ATP11A: variants seen among roughly 807,000 people sequenced by gnomAD.
The protein encoded by ATP11A is phospholipid-transporting ATPase IH.
In ATP11A, 81 loss-of-function variants were observed where a neutral mutation model predicts 154.4. The ratio of observed to expected loss-of-function variants is 0.52; its 90% CI spans 0.44 to 0.63. The LOEUF is 0.63. Ranked by LOEUF, ATP11A falls within the 30% of genes least tolerant of loss-of-function variation. The probability of loss-of-function intolerance (pLI) is 0.00; values close to 1 mark genes in which losing one functional copy is unlikely to be tolerated. For missense variants in ATP11A, 1,316 were observed against 1,474.3 expected, an observed-to-expected ratio of 0.89 and a Z score of 1.76; for synonymous variants, 623 against 585.9, an observed-to-expected ratio of 1.06 and a Z score of -0.91.
intron 17 of ATP11A, 27 bp from the exon 18 acceptor site, chr13:112,851,010 T>C (rs758975450): frequency 6.2e-7 from 1 of 1,605,580 alleles, no homozygotes. Flanking sequence ...CTTGAATTCG[T>C]GCTAAACGCT....
At position 112,832,878 on chromosome 13, in the gene ATP11A, T is replaced by C; in HGVS notation, c.1414T>C (p.Phe472Leu). Reference protein sequence around the residue: ...VNGREREELFFRALCLCHTVQ... With the variant: ...VNGREREELFLRALCLCHTVQ... The stretch of plus-strand genomic sequence containing the variant: ...TTTATAGGAGCGCGAGGAGCTGTTT[T>C]TCCGGGCCCTCTGTCTCTGCCACAC... Residue 472 changes from phenylalanine to leucine, a missense_variant, in exon 14 of 30, where the codon TTC (phenylalanine) becomes CTC (leucine). Around this residue, in one of 5 missense-constraint regions of ATP11A, gnomAD observed 876 missense variants for 1,006.8 expected, o/e 0.87. Transcript: ENST00000375645. 1 of 1,613,518 alleles carries C rather than the reference T, an allele frequency of 6.2e-7. No homozygotes were observed. Among genetic ancestry groups the C allele is most frequent in the Non-Finnish European group, 8.5e-7 (1 of 1,179,534 alleles).
chr13:112,787,732 G>T (rs2077687927), intron 2 of ATP11A, among the ~76,000 whole-genome samples: 1 of 148,214 alleles, frequency 6.7e-6, no homozygotes, highest in South Asian at 2.1e-4. Flanking sequence ...ATCCACACCG[G>T]GTGTCCTGAT....
Position 112,856,082 on chromosome 13 carries a change from T to C in ATP11A, c.2415T>C (p.Ala805=). The C allele has an allele frequency of 6.2e-7, 1 of 1,611,264 alleles. No individual in the cohort carries two copies. The highest frequency in any genetic ancestry group is 8.5e-7 in the Non-Finnish European group (1 of 1,178,808). Reference sequence around the variant, plus strand: ...GCCGCATGGCGCCCTTGCAGAAGGCTCAGGTGCTGCCCGCCCGTCCTCGAT... The same window carrying C: ...GCCGCATGGCGCCCTTGCAGAAGGCCCAGGTGCTGCCCGCCCGTCCTCGAT... ...LCCRMAPLQK[A]QIVKLIKFSK... The change falls in exon 20 of 30, where the codon GCT becomes GCC. Residue 805 remains alanine, a synonymous_variant. Transcript: ENST00000375645.
rs1312109729 is a variant in ATP11A at position 112,753,164 on chromosome 13, G to C, written c.40-31971G>C. 2.0e-5 allele frequency among the ~76,000 whole-genome samples: 3 copies of C among 152,124 alleles called. No individual in the cohort carries two copies. The highest frequency in any genetic ancestry group is 7.2e-5 in the African/African-American group (3 of 41,406). Reference sequence around the variant, plus strand: ...TCTGTCCCTCCGTCCCTTTGTACCTGCGTGTTATGTGGATGGCGTGCATGT... The same window carrying C: ...TCTGTCCCTCCGTCCCTTTGTACCTCCGTGTTATGTGGATGGCGTGCATGT... On this transcript the variant is annotated intron_variant, in intron 1 of 29. Transcript: ENST00000375645. The surrounding 1 kb of genome is among the most constrained non-coding windows in gnomAD (Gnocchi z 4.1).
chr13:112,875,688 C>T lies in ATP11A; in HGVS notation c.3162-88C>T. 6.9e-7 allele frequency: 1 copy of T among 1,450,510 alleles called. No homozygotes were observed. Among genetic ancestry groups the T allele is most frequent in the South Asian group, 1.3e-5 (1 of 77,100 alleles). 89.9% of individuals were successfully genotyped at this position (1,450,510 alleles called of 1,614,324 possible). A position where few individuals can be genotyped will look rare whatever the true frequency, so the allele number is the denominator to read the frequency against. ...ACTCTCACTGACAAAAGTGTAAACT[C>T]CCTGAACAGACGGCCTCTCCAGTGA... On this transcript the variant is annotated intron_variant, in intron 27 of 29. Coordinates refer to ENST00000375645, the MANE Select transcript of ATP11A (RefSeq NM_015205.3). This position sits in a 1 kb window ranked among gnomAD's most constrained non-coding sequence, Gnocchi z 4.1.
At chr13:112,777,807 C>T (rs1052742654) in intron 1 of ATP11A, among the ~76,000 whole-genome samples, 25 of 152,304 alleles carry the variant, frequency 1.6e-4, no homozygotes, top group African/African-American at 4.8e-4. Context: ...GTGAGACTTC[C>T]TCCCCCGTGG....
chr13:112,841,236 G>C (rs985231246), intron 16 of ATP11A, among the ~76,000 whole-genome samples: 1 of 145,988 alleles, frequency 6.8e-6, no homozygotes, highest in African/African-American at 2.6e-5. Context: ...GACCACGGAT[G>C]CTTCAGGTGC....
At chr13:112,792,629 G>T (rs1443236483) in intron 2 of ATP11A, among the ~76,000 whole-genome samples, 1 of 152,190 alleles carries the variant, frequency 6.6e-6, no homozygotes, top group Non-Finnish European at 1.5e-5. Context: ...CTGGTGATAG[G>T]TGATGATAGA....
rs199771130 is a variant in ATP11A, at chr13:112,824,327, G to C, written c.791-17G>C. The C allele has an allele frequency of 2.5e-4, 401 of 1,605,090 alleles. 1 individual carries two copies. The African/African-American group carries it at 4.2e-3, about 17-fold the overall frequency. On this transcript the variant is annotated splice_polypyrimidine_tract_variant and intron_variant, in intron 9 of 29. Coordinates refer to ENST00000375645, the MANE Select transcript of ATP11A (RefSeq NM_015205.3). ...CACTTGCGCCCTGGTCATCACCCTT[G>C]CTCTTCCTCTCTGTAGGTGTGGCTA...
At chr13:112,703,350 C>A (rs1245014796) in intron 1 of ATP11A, 1 of 152,154 alleles carries the variant, frequency 6.6e-6, no homozygotes, top group Non-Finnish European at 1.5e-5. Context: ...ATCGTAAGTA[C>A]CTCGTAAAGG....
At chr13:112,802,562 A>AC (rs1211165401) in intron 2 of ATP11A, among the ~76,000 whole-genome samples, 3 of 151,612 alleles carry the variant, frequency 2.0e-5, no homozygotes, top group African/African-American at 7.3e-5. Flanking sequence ...CAAAAAAAAA[A>AC]AAAAAAAAAA....
At chr13:112,751,244 A>C (rs1475603196) in intron 1 of ATP11A, among the ~76,000 whole-genome samples, 4 of 152,184 alleles carry the variant, frequency 2.6e-5, no homozygotes, top group African/African-American at 9.7e-5. Flanking sequence ...TTGTTTGTTT[A>C]CTGCTAAATT....
intron 1 of ATP11A, among the ~76,000 whole-genome samples, chr13:112,707,415 C>CAAA (rs35020608): frequency 7.4e-5 from 6 of 80,578 alleles, no homozygotes; most frequent in African/African-American, 9.1e-5. Context: ...AATTCTGTCT[C>CAAA]AAAAAAAAAA....
At chr13:112,791,021 A>G (rs892684075) in intron 2 of ATP11A, among the ~76,000 whole-genome samples, 2 of 152,240 alleles carry the variant, frequency 1.3e-5, no homozygotes, top group Non-Finnish European at 2.9e-5. Flanking sequence ...AATCACATCC[A>G]AAATATTGTC....
intron 29 of ATP11A, chr13:112,881,406 G>A (rs1353430911): frequency 5.3e-5 from 55 of 1,039,268 alleles, no homozygotes; most frequent in Non-Finnish European, 6.0e-5. Context: ...CTTCCCTGGG[G>A]CAGTGAGTTC....
At chr13:112,705,563 T>C (rs1887053844) in intron 1 of ATP11A, among the ~76,000 whole-genome samples, 1 of 151,972 alleles carries the variant, frequency 6.6e-6, no homozygotes, top group African/African-American at 2.4e-5. Context: ...AAGGGAAGGG[T>C]GTCCGGGACG....
intron 24 of ATP11A, among the ~76,000 whole-genome samples, chr13:112,861,460 T>C (rs978420949): frequency 6.6e-6 from 1 of 152,228 alleles, no homozygotes; most frequent in African/African-American, 2.4e-5. Context: ...ACCCGTTCCC[T>C]TATTCAGATC....
intron 3 of ATP11A, 34 bp downstream of exon 3, chr13:112,805,080 T>C: frequency 6.7e-7 from 1 of 1,484,366 alleles, no homozygotes; most frequent in Middle Eastern, 1.7e-4. Flanking sequence ...TCTCATCACA[T>C]ATAAATCTAA....
rs1415362818 is a variant in ATP11A, at chr13:112,855,960, C to T, written c.2293C>T (p.Leu765=). ...DYGLIIDGAA[L]SLIMKPREDG... ...CGGTTTAATTATCGACGGAGCTGCACTGTCTCTGATAATGAAGCCTCGAGA... is the reference window on the plus strand; with the variant it reads ...CGGTTTAATTATCGACGGAGCTGCATTGTCTCTGATAATGAAGCCTCGAGA... The change falls in exon 20 of 30, where the codon CTG becomes TTG. Residue 765 remains leucine (L), a synonymous_variant. Transcript: ENST00000375645. 6.2e-7 allele frequency: 1 copy of T among 1,614,214 alleles called. No individual in the cohort carries two copies. Among genetic ancestry groups the T allele is most frequent in the Non-Finnish European group, 8.5e-7 (1 of 1,180,022 alleles).
Sources: gnomAD v4.1 joint callset for allele counts (sites outside exome capture counted in the v4.1 genomes callset) on GRCh38, gnomAD v4.1.1 for gene constraint, gnomAD v4.1.1 regional missense constraint, Gnocchi (gnomAD v3.1) non-coding constraint, MANE v1.5 for transcripts, NCBI Gene and HGNC (gene_info 2026-07-23, HGNC 2026-07-21) for gene names.